EPB41L1: variants seen among roughly 807,000 people sequenced by gnomAD.
The protein encoded by EPB41L1 is band 4.1-like protein 1.
EPB41L1 carries 29 observed loss-of-function variants against 97.8 expected under a neutral mutation model. That is an observed-to-expected ratio of 0.30 (90% CI 0.22 to 0.40). The LOEUF (loss-of-function observed/expected upper bound fraction) is 0.40, where lower values mean the gene tolerates loss of function less well. Ranked by LOEUF, EPB41L1 falls within the 10% of genes least tolerant of loss-of-function variation. EPB41L1 has a pLI of 1.00. For synonymous variants in EPB41L1, 383 were observed against 459.2 expected, an observed-to-expected ratio of 0.83 and a Z score of 2.12; for missense variants, 812 against 1,162.3, an observed-to-expected ratio of 0.70 and a Z score of 4.38.
intron 19 of EPB41L1, among the ~76,000 whole-genome samples, chr20:36,221,121 C>T (rs562390274): frequency 4.6e-5 from 7 of 152,232 alleles, no homozygotes; most frequent in Non-Finnish European, 1.0e-4. Context: ...TCCCTGCCAA[C>T]TGGGAGCCCC....
chr20:36,210,335 C>T (rs2063061501), intron 15 of EPB41L1, among the ~76,000 whole-genome samples: 1 of 152,030 alleles, frequency 6.6e-6, no homozygotes, highest in Non-Finnish European at 1.5e-5. Flanking sequence ...AGTTTAAATC[C>T]ATCTGGCCCT....
chr20:36,210,402 A>C (rs2063065533), intron 15 of EPB41L1, among the ~76,000 whole-genome samples: 1 of 151,700 alleles, frequency 6.6e-6, no homozygotes, highest in Admixed American at 6.6e-5. Context: ...GTCATTGAGG[A>C]GGGACAGACT....
At chr20:36,159,189 C>T (rs934645955) in intron 1 of EPB41L1, among the ~76,000 whole-genome samples, 1 of 152,132 alleles carries the variant, frequency 6.6e-6, no homozygotes, top group Non-Finnish European at 1.5e-5. Context: ...GGCTGGTCTC[C>T]CTTTAGTCAT....
intron 2 of EPB41L1, among the ~76,000 whole-genome samples, chr20:36,115,210 A>T (rs2058547156): frequency 6.6e-6 from 1 of 152,188 alleles, no homozygotes; most frequent in African/African-American, 2.4e-5. Context: ...AGTTAAGGCC[A>T]CACTTTGAGT....
intron 16 of EPB41L1, 133 bp from the exon 17 acceptor site, chr20:36,214,224 G>A: frequency 2.9e-6 from 2 of 679,640 alleles, no homozygotes. Context: ...GATTTGGTCT[G>A]TGTGCAGCCC....
At chr20:36,164,582 T>C (rs1281663870) in intron 1 of EPB41L1, among the ~76,000 whole-genome samples, 1 of 152,260 alleles carries the variant, frequency 6.6e-6, no homozygotes, top group Non-Finnish European at 1.5e-5. Context: ...GTTTCACTGC[T>C]GTGCCTATGC....
chr20:36,232,644 C>G lies in EPB41L1; in HGVS notation c.*3304C>G, dbSNP rs2064541807. On this transcript the variant is annotated 3_prime_UTR_variant, in exon 22 of 22. Transcript: ENST00000338074. ...TTTTTTTTCAAAAGCACCTTAACAA[C>G]CAATTGCGATGCTGTCCTGTTCCTT... is the stretch of plus-strand genomic sequence containing the variant. The G allele has an allele frequency of 2.0e-5, 8 of 398,854 alleles. No individual in the cohort carries two copies. Among genetic ancestry groups the G allele is most frequent in the Non-Finnish European group, 3.1e-5 (7 of 226,088 alleles). The allele number at this position is 398,854 out of a possible 1,614,324, so 24.7% of individuals were successfully genotyped here. A position where few individuals can be genotyped will look rare whatever the true frequency, so the allele number is the denominator to read the frequency against.
intron 1 of EPB41L1, among the ~76,000 whole-genome samples, chr20:36,172,521 T>C (rs991977170): frequency 6.6e-6 from 1 of 152,276 alleles, no homozygotes; most frequent in Admixed American, 6.5e-5. Flanking sequence ...TCTCTTAACA[T>C]TGGTAAGTAT....
chr20:36,172,181 C>A (rs535085168), intron 1 of EPB41L1, among the ~76,000 whole-genome samples: 61 of 152,204 alleles, frequency 4.0e-4, no homozygotes, highest in Non-Finnish European at 8.2e-4. Context: ...TGGGTTCAAG[C>A]GATTCTCCTG....
Position 36,195,856 on chromosome 20 carries a change from A to G in EPB41L1, c.1485+492A>G, listed in dbSNP as rs1452047154. ...GTATCTATTGGCAGTCAGATGTGGG[A>G]GTGGGGATTGGGGGTGGGGGAGGGA... is the stretch of plus-strand genomic sequence containing the variant. On this transcript the variant is annotated intron_variant, in intron 13 of 21. Coordinates refer to ENST00000338074, the MANE Select transcript of EPB41L1 (RefSeq NM_012156.2). The surrounding 1 kb of genome is among the most constrained non-coding windows in gnomAD (Gnocchi z 4.6). Among the ~76,000 whole-genome samples the G allele has an allele frequency of 6.6e-6, 1 of 151,064 alleles. No individual in the cohort carries two copies. The highest frequency in any genetic ancestry group is 2.4e-5 in the African/African-American group (1 of 41,238).
chr20:36,221,831 C>T (rs199833423), intron 19 of EPB41L1, 33 bp from the exon 20 acceptor site: 3 of 1,603,090 alleles, frequency 1.9e-6, no homozygotes, highest in Non-Finnish European at 2.6e-6. Flanking sequence ...CAACAGGACC[C>T]AAGAGTGACC....
intron 18 of EPB41L1, 27 bp from the exon 19 acceptor site, chr20:36,219,734 T>G (rs759947327): frequency 4.4e-5 from 63 of 1,443,784 alleles, no homozygotes; most frequent in Non-Finnish European, 5.7e-5. Context: ...CCTGACACCC[T>G]GGGTGGGGGG....
At chr20:36,126,541 T>C (rs1234261206) in intron 2 of EPB41L1, among the ~76,000 whole-genome samples, 3 of 152,108 alleles carry the variant, frequency 2.0e-5, no homozygotes, top group Non-Finnish European at 4.4e-5. Flanking sequence ...TAATTTTGTA[T>C]TTTTAGTAGA....
chr20:36,209,501 G>T lies in EPB41L1; in HGVS notation c.1682G>T (p.Arg561Met). Residue 561 changes from arginine to methionine, a missense_variant, in exon 15 of 22, where the codon AGG becomes ATG. Physicochemically the swap from Arg to Met is moderately conservative, Grantham distance 91 (BLOSUM62 -1). Transcript: ENST00000338074. The surrounding 1 kb of genome is among the most constrained non-coding windows in gnomAD (Gnocchi z 4.2). ...ATCTGGCCATAGAGAGCAGGGCTGA[G>T]GGAGGGCTCCGAGGAGAAAGTCAAA... ...PEKANERAGL[R>M]EGSEEKVKPP... The T allele has an allele frequency of 3.1e-6, 5 of 1,613,970 alleles. No individual in the cohort carries two copies. The highest frequency in any genetic ancestry group is 4.2e-6 in the Non-Finnish European group (5 of 1,179,976).
At chr20:36,169,033 C>T (rs1166674127) in intron 1 of EPB41L1, among the ~76,000 whole-genome samples, 2 of 151,398 alleles carry the variant, frequency 1.3e-5, no homozygotes, top group Non-Finnish European at 2.9e-5. Context: ...CGAGACCAAC[C>T]TGGCCAAGAT....
Position 36,195,203 on chromosome 20 carries a change from C to G in EPB41L1, c.1450-126C>G. ...CCTGCTGGTGGCCCACCCAGCTGCC[C>G]TGGCCTCCACTTGGTCGAGTGTGCG... On this transcript the variant is annotated intron_variant, in intron 12 of 21. Coordinates refer to ENST00000338074, the MANE Select transcript of EPB41L1 (RefSeq NM_012156.2). This position sits in a 1 kb window ranked among gnomAD's most constrained non-coding sequence, Gnocchi z 4.6. 1 of 1,151,374 alleles carries G rather than the reference C, an allele frequency of 8.7e-7. No individual in the cohort carries two copies. 71.3% of individuals were successfully genotyped at this position (1,151,374 alleles called of 1,614,324 possible). A position where few individuals can be genotyped will look rare whatever the true frequency, so the allele number is the denominator to read the frequency against.
chr20:36,203,467 C>A (rs1388412397), intron 14 of EPB41L1, among the ~76,000 whole-genome samples: 2 of 152,252 alleles, frequency 1.3e-5, no homozygotes, highest in African/African-American at 2.4e-5. Context: ...TCATTCTCTG[C>A]CAGCACCTGC....
chr20:36,214,822 G>A (rs1427922234), intron 17 of EPB41L1, among the ~76,000 whole-genome samples: 1 of 151,902 alleles, frequency 6.6e-6, no homozygotes, highest in East Asian at 1.9e-4. Flanking sequence ...CCATCCTGGT[G>A]GCTGCACATT....
chr20:36,132,569 G>GC (rs1393708632), intron 2 of EPB41L1, among the ~76,000 whole-genome samples: 2 of 67,828 alleles, frequency 2.9e-5, no homozygotes, highest in South Asian at 4.9e-4. Flanking sequence ...TTTGTGGGCG[G>GC]GGGGGGGGGG....
Sources: allele counts gnomAD v4.1 joint callset (sites outside exome capture counted in the v4.1 genomes callset), GRCh38; gene constraint gnomAD v4.1.1; non-coding constraint Gnocchi (gnomAD v3.1); transcripts MANE v1.5; gene names NCBI Gene and HGNC (gene_info 2026-07-23, HGNC 2026-07-21).